The following ARHGAP35 variants were observed in gnomAD, a reference collection of about 807,000 sequenced individuals.
ARHGAP35 encodes Rho GTPase activating protein 35.
ARHGAP35 carries 15 observed loss-of-function variants against 111.1 expected under a neutral mutation model. The ratio of observed to expected loss-of-function variants is 0.13; its 90% confidence interval spans 0.09 to 0.21. The LOEUF is 0.21. Ranked by LOEUF, ARHGAP35 falls within the 10% of genes least tolerant of loss-of-function variation. The pLI, the probability that ARHGAP35 is intolerant of heterozygous loss-of-function variation, is 1.00. For missense variants in ARHGAP35, 1,262 were observed against 1,873.0 expected, an observed-to-expected ratio of 0.67 and a Z score of 6.02; for synonymous variants, 643 against 710.3, an observed-to-expected ratio of 0.91 and a Z score of 1.51.
At chr19:46,879,139 C>T (rs1488611002) in intron 1 of ARHGAP35, among the ~76,000 whole-genome samples, 8 of 152,150 alleles carry the variant, frequency 5.3e-5, no homozygotes, top group African/African-American at 1.7e-4. Context: ...AGCATCCTCA[C>T]CAGGAGTAGA....
Position 47,003,739 on chromosome 19 carries a change from T to G in ARHGAP35, c.*3051T>G, listed in dbSNP as rs1170272003. On this transcript the variant is annotated 3_prime_UTR_variant, in exon 7 of 7. Transcript: ENST00000672722. ...GCGACCCAGATTCTTCTGCAGGATG[T>G]GTCTGTCTTTGTCACGGTGGACAGA... 3 of 152,178 alleles carry G rather than the reference T, an allele frequency of 2.0e-5. No homozygotes were observed. Among genetic ancestry groups the G allele is most frequent in the African/African-American group, 4.8e-5 (2 of 41,438 alleles). The allele number at this position is 152,178 out of a possible 1,614,324, so 9.4% of individuals were successfully genotyped here. A position where few individuals can be genotyped will look rare whatever the true frequency, so the allele number is the denominator to read the frequency against.
chr19:46,920,914 AATGAAAAGCAAATCAGTC>A lies in ARHGAP35; in HGVS notation c.2241_2258del (p.Asn747_Gln753delinsLys), dbSNP rs2056195606. ...TGGCATTGGTTACGGACGCAACATTAATGAAAAGCAAATCAGTCAAGTTTTGAAGGGACTCCTGGACTC... is the reference window on the plus strand; with the variant it reads ...TGGCATTGGTTACGGACGCAACATTAAAGTTTTGAAGGGACTCCTGGACTC... On this transcript the variant is annotated inframe_deletion, in exon 2 of 7. Transcript: ENST00000672722. This position sits in a 1 kb window ranked among gnomAD's most constrained non-coding sequence, Gnocchi z 7.0. The A allele has an allele frequency of 6.2e-7, 1 of 1,613,702 alleles. No homozygotes were observed. Among genetic ancestry groups the A allele is most frequent in the Admixed American group, 1.7e-5 (1 of 59,996 alleles).
chr19:46,983,054 CAAAAAAAAAAAAAA>C lies in ARHGAP35; in HGVS notation c.3827-4918_3827-4905del, dbSNP rs71179281. Among the ~76,000 whole-genome samples, 38 of 47,650 alleles carry C rather than the reference CAAAAAAAAAAAAAA, an allele frequency of 8.0e-4. No individual in the cohort carries two copies. In the East Asian group the frequency reaches 0.011, roughly 14 times the overall value. 31.3% of individuals were successfully genotyped at this position (47,650 alleles called of 152,430 possible). Reference sequence around the variant, plus strand: ...GAGTGACAAAGCAAGACCTTGTGTACAAAAAAAAAAAAAAAAAAAAAAAAAAAAAATTCTTGGGC... The same window carrying C: ...GAGTGACAAAGCAAGACCTTGTGTACAAAAAAAAAAAAAAAATTCTTGGGC... On this transcript the variant is annotated intron_variant, in intron 3 of 6. Coordinates refer to ENST00000672722, the MANE Select transcript of ARHGAP35 (RefSeq NM_004491.5).
intron 1 of ARHGAP35, among the ~76,000 whole-genome samples, chr19:46,873,479 A>G (rs1286240250): frequency 2.0e-5 from 3 of 148,712 alleles, no homozygotes; most frequent in Non-Finnish European, 4.5e-5. Flanking sequence ...CTAAAAATAC[A>G]AAAAAAAAAT....
intron 2 of ARHGAP35, among the ~76,000 whole-genome samples, chr19:46,936,247 T>TATA (rs973462737): frequency 2.0e-5 from 3 of 152,038 alleles, no homozygotes; most frequent in Middle Eastern, 3.4e-3. Flanking sequence ...GTCTGAAAAT[T>TATA]ATAATAATAA....
chr19:46,995,014 A>G (rs558576847), intron 5 of ARHGAP35, among the ~76,000 whole-genome samples: 38 of 152,248 alleles, frequency 2.5e-4, no homozygotes, highest in African/African-American at 9.1e-4. Context: ...CTGTTGAGGG[A>G]CCTGTGCCTG....
chr19:46,869,516 A>G (rs1014180445), intron 1 of ARHGAP35, among the ~76,000 whole-genome samples: 22 of 147,364 alleles, frequency 1.5e-4, no homozygotes, highest in Admixed American at 8.8e-4. Flanking sequence ...GTGTATTTGC[A>G]TTGTGTGTGT....
chr19:46,868,381 A>G (rs188476017), intron 1 of ARHGAP35, among the ~76,000 whole-genome samples: 20 of 152,334 alleles, frequency 1.3e-4, no homozygotes, highest in Admixed American at 7.2e-4. Context: ...ACAATTAACT[A>G]TATAGGGTGA....
intron 3 of ARHGAP35, among the ~76,000 whole-genome samples, chr19:46,956,279 T>A (rs906686826): frequency 6.6e-6 from 1 of 152,124 alleles, no homozygotes; most frequent in African/African-American, 2.4e-5. Context: ...GATTGCACCA[T>A]TGCACTGCAA....
chr19:46,881,850 C>T (rs1427013106), intron 1 of ARHGAP35, among the ~76,000 whole-genome samples: 2 of 152,154 alleles, frequency 1.3e-5, no homozygotes, highest in African/African-American at 4.8e-5. Context: ...CTATAGTAGC[C>T]ACCTTCATCA....
At chr19:46,924,122 G>A (rs1056184259) in intron 2 of ARHGAP35, among the ~76,000 whole-genome samples, 2 of 152,124 alleles carry the variant, frequency 1.3e-5, no homozygotes, top group African/African-American at 4.8e-5. Context: ...AGAGAACAGA[G>A]TTACTTGTCT....
chr19:46,911,186 C>G (rs1398540747), intron 1 of ARHGAP35, among the ~76,000 whole-genome samples: 2 of 152,184 alleles, frequency 1.3e-5, no homozygotes, highest in Admixed American at 1.3e-4. Flanking sequence ...TATGTCACCT[C>G]TCCAAACTCT....
rs142836369 is a variant in ARHGAP35, at chr19:46,991,596, G to A, written c.4036+1921G>A. ...TTCCCATTGTGTGTTTCCTGTCCCC[G>A]ACGGTACTCAGCGGGGGCTCCGTTG... On this transcript the variant is annotated intron_variant, in intron 5 of 6. Coordinates refer to ENST00000672722, the MANE Select transcript of ARHGAP35 (RefSeq NM_004491.5). Among the ~76,000 whole-genome samples the A allele has an allele frequency of 1.0e-3, 153 of 152,262 alleles. 5 individuals carry two copies. The East Asian group carries it at 0.028, about 28-fold the overall frequency.
At chr19:46,894,064 G>C (rs2056040536) in intron 1 of ARHGAP35, among the ~76,000 whole-genome samples, 1 of 151,826 alleles carries the variant, frequency 6.6e-6, no homozygotes, top group Admixed American at 6.6e-5. Flanking sequence ...TTTGTGATTA[G>C]GCTGAGTATT....
chr19:46,913,601 A>G (rs552686950), intron 1 of ARHGAP35, among the ~76,000 whole-genome samples: 1 of 152,288 alleles, frequency 6.6e-6, no homozygotes, highest in East Asian at 1.9e-4. Context: ...GTTTTATTAC[A>G]GCATGTATTT....
At position 46,986,666 on chromosome 19, in the gene ARHGAP35, A is replaced by G. The variant is rs543349466; in HGVS notation, c.3827-1323A>G. ...TGTAAACATATATAACGTTGATATA[A>G]TTACTTAATATTCATAGACTTTCTC... On this transcript the variant is annotated intron_variant, in intron 3 of 6. Transcript: ENST00000672722. The surrounding 1 kb of genome is among the most constrained non-coding windows in gnomAD (Gnocchi z 4.3). 1.3e-5 allele frequency among the ~76,000 whole-genome samples: 2 copies of G among 152,364 alleles called. No individual in the cohort carries two copies. Among genetic ancestry groups the G allele is most frequent in the East Asian group, 3.8e-4 (2 of 5,196 alleles).
chr19:46,916,107 T>C (rs1394732736), intron 1 of ARHGAP35, among the ~76,000 whole-genome samples: 3 of 152,026 alleles, frequency 2.0e-5, no homozygotes, highest in Non-Finnish European at 2.9e-5. Flanking sequence ...GCTAATTTGT[T>C]GTACTTTCAG....
At chr19:46,987,929 G>A (rs548128980) in intron 3 of ARHGAP35, 60 bp from the exon 4 acceptor site, 7 of 1,549,602 alleles carry the variant, frequency 4.5e-6, no homozygotes, top group Non-Finnish European at 6.2e-6. Flanking sequence ...TTCGAGCCCA[G>A]CCCTCCTCAT....
Position 46,921,861 on chromosome 19 carries a change from C to T in ARHGAP35, c.3186C>T (p.Gly1062=), listed in dbSNP as rs1238342778. ...TKGDLSYLDQ[G]HRDGQRKSVS... ...GGGATCTATCTTATTTAGACCAAGG[C>T]CATAGGGATGGACAGAGGAAGTCTG... The change falls in exon 2 of 7, where the codon GGC becomes GGT. Residue 1062 remains glycine (G), a synonymous_variant. Coordinates refer to ENST00000672722, the MANE Select transcript of ARHGAP35 (RefSeq NM_004491.5). The surrounding 1 kb of genome is among the most constrained non-coding windows in gnomAD (Gnocchi z 4.3). 1 of 1,613,998 alleles carries T rather than the reference C, an allele frequency of 6.2e-7. No individual in the cohort carries two copies. Among genetic ancestry groups the T allele is most frequent in the African/African-American group, 1.3e-5 (1 of 75,046 alleles).
Sources: gnomAD v4.1 joint callset for allele counts (sites outside exome capture counted in the v4.1 genomes callset) on GRCh38, gnomAD v4.1.1 for gene constraint, Gnocchi (gnomAD v3.1) non-coding constraint, MANE v1.5 for transcripts, NCBI Gene and HGNC (gene_info 2026-07-23, HGNC 2026-07-21) for gene names.